The following PLD5 variants were observed in gnomAD, a reference collection of about 807,000 sequenced individuals.
PLD5 encodes the protein phospholipase D family member 5.
PLD5 carries 36 observed loss-of-function variants against 61.1 expected under a neutral mutation model. That is an observed-to-expected ratio of 0.59 (90% CI 0.45 to 0.78). The LOEUF is 0.78. PLD5 is among the 30% of genes least tolerant of loss of function. The pLI is 0.00. For synonymous variants in PLD5, 243 were observed against 242.8 expected, an observed-to-expected ratio of 1.00 and a Z score of -0.01; for missense variants, 515 against 644.4, an observed-to-expected ratio of 0.80 and a Z score of 2.17.
At chr1:242,506,104 C>T (rs1398099678) in intron 1 of PLD5, among the ~76,000 whole-genome samples, 1 of 152,156 alleles carries the variant, frequency 6.6e-6, no homozygotes, top group Non-Finnish European at 1.5e-5. Context: ...CAGTAAGTGA[C>T]AGGCATCTAC....
At chr1:242,281,633 G>C (rs1370254805) in intron 3 of PLD5, among the ~76,000 whole-genome samples, 2 of 152,168 alleles carry the variant, frequency 1.3e-5, no homozygotes, top group Non-Finnish European at 2.9e-5. Flanking sequence ...TTGCTAGATA[G>C]TGTTTGGTCA....
chr1:242,414,245 T>A (rs1664706903), intron 1 of PLD5, among the ~76,000 whole-genome samples: 1 of 152,126 alleles, frequency 6.6e-6, no homozygotes, highest in African/African-American at 2.4e-5. Context: ...GCAAAAGGAT[T>A]GAGTGTTTAA....
intron 2 of PLD5, among the ~76,000 whole-genome samples, chr1:242,330,104 C>T (rs1223338450): frequency 6.6e-6 from 1 of 152,072 alleles, no homozygotes; most frequent in Non-Finnish European, 1.5e-5. Context: ...TAAGCACATG[C>T]ACTTTAATAA....
At chr1:242,108,926 C>T (rs146618440) in intron 7 of PLD5, among the ~76,000 whole-genome samples, 32 of 152,304 alleles carry the variant, frequency 2.1e-4, no homozygotes, top group African/African-American at 7.5e-4. Context: ...GTCTCCCTTG[C>T]CTGCCCAGCC....
chr1:242,343,302 T>C (rs538252617), intron 2 of PLD5, among the ~76,000 whole-genome samples: 1 of 152,200 alleles, frequency 6.6e-6, no homozygotes, highest in South Asian at 2.1e-4. Flanking sequence ...CACTTTATGA[T>C]AGTGACAACA....
chr1:242,226,963 TATA>T (rs1455091382), intron 4 of PLD5, among the ~76,000 whole-genome samples: 1 of 152,228 alleles, frequency 6.6e-6, no homozygotes, highest in Admixed American at 6.5e-5. Flanking sequence ...AAGAAAAAAG[TATA>T]ATGCCATGAT....
chr1:242,224,305 T>C (rs1292500438), intron 4 of PLD5, among the ~76,000 whole-genome samples: 1 of 152,190 alleles, frequency 6.6e-6, no homozygotes, highest in Admixed American at 6.5e-5. Context: ...CAAATTTTTA[T>C]AGAAGAGATG....
the PLD5 span, among the ~76,000 whole-genome samples, chr1:242,529,885 T>A: frequency 2.0e-5 from 3 of 151,692 alleles, no homozygotes; most frequent in Non-Finnish European, 4.4e-5. Flanking sequence ...TCTTTCTTTT[T>A]GAGACAGAGT....
chr1:242,484,372 G>A (rs1258755990), intron 1 of PLD5, among the ~76,000 whole-genome samples: 1 of 152,006 alleles, frequency 6.6e-6, no homozygotes. Flanking sequence ...AATGATAAAG[G>A]GGATATCACC....
At chr1:242,499,454 A>T (rs1668481403) in intron 1 of PLD5, among the ~76,000 whole-genome samples, 1 of 152,214 alleles carries the variant, frequency 6.6e-6, no homozygotes, top group African/African-American at 2.4e-5. Flanking sequence ...CTTCATATTT[A>T]TCTACCTCTA....
At chr1:242,094,097 T>C (rs1660044054) in intron 9 of PLD5, among the ~76,000 whole-genome samples, 1 of 152,110 alleles carries the variant, frequency 6.6e-6, no homozygotes, top group African/African-American at 2.4e-5. Flanking sequence ...TCAGTGTTTT[T>C]TTAATTGGGA....
chr1:242,527,971 G>A (rs950182897), upstream of PLD5, among the ~76,000 whole-genome samples: 1 of 152,286 alleles, frequency 6.6e-6, no homozygotes. Flanking sequence ...CGCTTCTTGG[G>A]AGCTGGAGCC....
chr1:242,314,894 T>C (rs545657597), intron 2 of PLD5, among the ~76,000 whole-genome samples: 2 of 152,252 alleles, frequency 1.3e-5, no homozygotes, highest in East Asian at 3.9e-4. Context: ...AGCTGCATTT[T>C]TACATAGAAT....
At chr1:242,460,498 T>C (rs1348312147) in intron 1 of PLD5, among the ~76,000 whole-genome samples, 2 of 152,138 alleles carry the variant, frequency 1.3e-5, no homozygotes, top group Non-Finnish European at 2.9e-5. Flanking sequence ...TATAGTCCCA[T>C]GTTCAACACT....
chr1:242,253,832 G>A (rs957533339), intron 4 of PLD5, among the ~76,000 whole-genome samples: 2 of 152,184 alleles, frequency 1.3e-5, no homozygotes, highest in Admixed American at 6.5e-5. Context: ...TAGAGCAAAT[G>A]TTTAGATTTT....
intron 3 of PLD5, among the ~76,000 whole-genome samples, chr1:242,279,448 T>C (rs1221452951): frequency 6.6e-6 from 1 of 152,106 alleles, no homozygotes; most frequent in Non-Finnish European, 1.5e-5. Flanking sequence ...TCTCCCCAGG[T>C]GACTCTGACT....
At chr1:242,377,401 G>A (rs771687408) in intron 1 of PLD5, 25 of 1,224,646 alleles carry the variant, frequency 2.0e-5, no homozygotes, top group Non-Finnish European at 2.6e-5. Context: ...TCTAACTTCC[G>A]CTTGGGACTG....
chr1:242,481,522 G>T (rs1667775069), intron 1 of PLD5, among the ~76,000 whole-genome samples: 1 of 152,202 alleles, frequency 6.6e-6, no homozygotes, highest in Non-Finnish European at 1.5e-5. Context: ...AGGGGCGCCT[G>T]CCATTGCTGA....
At position 242,240,627 on chromosome 1, in the gene PLD5, A is replaced by G. The variant is rs543686042; in HGVS notation, c.608-20512T>C. ...AAGAAACATCAGGGAGTTTTAGGCC[A>G]AAGGCAGAGAAAGTGAAAATTTTCA... On this transcript the variant is annotated intron_variant, in intron 4 of 9. Transcript: ENST00000536534. Among the ~76,000 whole-genome samples, 6 of 152,316 alleles carry G rather than the reference A, an allele frequency of 3.9e-5. No individual in the cohort carries two copies. In the South Asian group the frequency reaches 1.2e-3, roughly 32 times the overall value.
Sources: allele counts gnomAD v4.1 joint callset (sites outside exome capture counted in the v4.1 genomes callset), GRCh38; gene constraint gnomAD v4.1.1; transcripts MANE v1.5; gene names NCBI Gene and HGNC (gene_info 2026-07-23, HGNC 2026-07-21).